RGS7: variants seen among roughly 807,000 people sequenced by gnomAD.
RGS7 encodes the protein regulator of G protein signaling 7.
RGS7 carries 27 observed loss-of-function variants against 81.1 expected under a neutral mutation model. The ratio of observed to expected loss-of-function variants is 0.33; its 90% CI spans 0.25 to 0.46. The LOEUF (loss-of-function observed/expected upper bound fraction) is 0.46, where lower values mean the gene tolerates loss of function less well. Among genes scored for constraint, RGS7 ranks in the 20% least tolerant of loss-of-function variants. The probability of loss-of-function intolerance (pLI) is 1.00; values close to 1 mark genes in which losing one functional copy is unlikely to be tolerated. For missense variants in RGS7, 396 were observed against 607.4 expected (o/e 0.65, Z 3.66); for synonymous variants, 208 against 207.7 (o/e 1.00, Z -0.01).
chr1:241,012,183 T>C (rs1316355324), intron 3 of RGS7, among the ~76,000 whole-genome samples: 2 of 152,122 alleles, frequency 1.3e-5, no homozygotes, highest in Non-Finnish European at 2.9e-5. Context: ...GCTATATCAA[T>C]GCAGGAATAT....
At chr1:241,236,204 A>G (rs2075968160) in intron 2 of RGS7, among the ~76,000 whole-genome samples, 1 of 146,216 alleles carries the variant, frequency 6.8e-6, no homozygotes, top group African/African-American at 2.5e-5. Flanking sequence ...AACTGAATGC[A>G]TGAATACCGT....
chr1:241,112,676 T>C (rs1191828407), intron 2 of RGS7, among the ~76,000 whole-genome samples: 1 of 152,194 alleles, frequency 6.6e-6, no homozygotes. Context: ...ACTTATTTTG[T>C]ACAACGATTT....
rs145711106 is a variant in RGS7 at position 240,789,892 on chromosome 1, C to A, written c.*6+10749G>T. Among the ~76,000 whole-genome samples the A allele has an allele frequency of 4.4e-3, 667 of 152,278 alleles. 3 individuals carry two copies. The highest frequency in any genetic ancestry group is 0.014 in the African/African-American group (601 of 41,536). On this transcript the variant is annotated intron_variant, in intron 18 of 18. Coordinates refer to ENST00000440928, the MANE Select transcript of RGS7 (RefSeq NM_001364886.1). The stretch of plus-strand genomic sequence containing the variant: ...CCACACCCTATTCATACACTCCCTC[C>A]CCTTTTGAAAATCACTAATAAAAAC...
intron 9 of RGS7, among the ~76,000 whole-genome samples, chr1:240,855,482 A>C (rs554928756): frequency 6.7e-6 from 1 of 150,280 alleles, no homozygotes; most frequent in South Asian, 2.2e-4. Flanking sequence ...CCAGGCTGGA[A>C]TGCAACGGCA....
In RGS7 at chr1:241,273,182, C is replaced by CCG. The variant is rs1553305835; in HGVS notation, c.78+82516_78+82517insCG. ...TAAAGTAAATAATAATGAACCCCCCCCCCCAAAGGATACACTCCTTCTTCT... is the reference window on the plus strand; with the variant it reads ...TAAAGTAAATAATAATGAACCCCCCCCGCCCCAAAGGATACACTCCTTCTTCT... On this transcript the variant is annotated intron_variant, in intron 2 of 18. Transcript: ENST00000440928. 3.0e-4 allele frequency among the ~76,000 whole-genome samples: 41 copies of CCG among 137,522 alleles called. 1 individual carries two copies. The highest frequency in any genetic ancestry group is 3.8e-4 in the Non-Finnish European group (24 of 63,668). 90.2% of individuals were successfully genotyped at this position (137,522 alleles called of 152,430 possible).
intron 2 of RGS7, among the ~76,000 whole-genome samples, chr1:241,176,040 C>G (rs4660040): frequency 0.48 from 73,502 of 151,630 alleles, 17,969 homozygotes; most frequent in Middle Eastern, 0.53. Context: ...AATAGGACCT[C>G]GGACTTACCA....
chr1:240,787,970 T>C (rs1685349059), intron 18 of RGS7, among the ~76,000 whole-genome samples: 2 of 152,212 alleles, frequency 1.3e-5, no homozygotes, highest in South Asian at 2.1e-4. Flanking sequence ...GGCTGGGCCA[T>C]ATCTCAAATA....
chr1:240,827,868 A>AG (rs954181402), intron 9 of RGS7, among the ~76,000 whole-genome samples: 1 of 139,948 alleles, frequency 7.1e-6, no homozygotes, highest in Non-Finnish European at 1.5e-5. Context: ...CCATTGCAAA[A>AG]AAAAAAAAAA....
rs148983027 is a variant in RGS7, at chr1:241,054,046, G to A, written c.175+44620C>T. On this transcript the variant is annotated intron_variant, in intron 3 of 18. Coordinates refer to ENST00000440928, the MANE Select transcript of RGS7 (RefSeq NM_001364886.1). ...CATCTATTCTTCTGTGGTCAGAAGC[G>A]CTCTATGACCTATGGGTGTCACACC... Among the ~76,000 whole-genome samples, 199 of 152,206 alleles carry A rather than the reference G, an allele frequency of 1.3e-3. 1 individual carries two copies. The highest frequency in any genetic ancestry group is 4.5e-3 in the African/African-American group (187 of 41,528).
chr1:241,176,366 T>C (rs2071144388), intron 2 of RGS7, among the ~76,000 whole-genome samples: 1 of 152,090 alleles, frequency 6.6e-6, no homozygotes, highest in African/African-American at 2.4e-5. Context: ...AAAACTGAGT[T>C]ACTAGTTTGC....
intron 2 of RGS7, among the ~76,000 whole-genome samples, chr1:241,290,009 T>C (rs2079009783): frequency 6.6e-6 from 1 of 152,234 alleles, no homozygotes; most frequent in South Asian, 2.1e-4. Flanking sequence ...ACAGAGATCA[T>C]CAGAATTGAG....
chr1:240,807,978 T>C (rs1418728568), intron 14 of RGS7, among the ~76,000 whole-genome samples: 2 of 139,812 alleles, frequency 1.4e-5, no homozygotes, highest in Non-Finnish European at 3.0e-5. Flanking sequence ...GAGGTTGCAG[T>C]GAGCAGAGAT....
intron 2 of RGS7, among the ~76,000 whole-genome samples, chr1:241,102,374 T>C (rs1430181780): frequency 6.6e-6 from 1 of 152,154 alleles, no homozygotes; most frequent in African/African-American, 2.4e-5. Flanking sequence ...TTCATGGCCA[T>C]GATGGGATGG....
At chr1:241,287,258 C>T in intron 2 of RGS7, among the ~76,000 whole-genome samples, 1 of 152,160 alleles carries the variant, frequency 6.6e-6, no homozygotes, top group Non-Finnish European at 1.5e-5. Context: ...GCTGTGTCCC[C>T]ACCCAAATCT....
chr1:241,090,567 A>C (rs963492390), intron 3 of RGS7, among the ~76,000 whole-genome samples: 15 of 152,196 alleles, frequency 9.9e-5, no homozygotes, highest in African/African-American at 3.6e-4. Context: ...CTTGAGAAAA[A>C]AAAAGTAGAG....
At chr1:241,184,124 A>C (rs1033525100) in intron 2 of RGS7, among the ~76,000 whole-genome samples, 2 of 152,184 alleles carry the variant, frequency 1.3e-5, no homozygotes, top group African/African-American at 4.8e-5. Context: ...AGAAATAATG[A>C]ATGTCATTTA....
At chr1:241,301,624 T>A (rs1471512133) in intron 2 of RGS7, among the ~76,000 whole-genome samples, 1 of 152,224 alleles carries the variant, frequency 6.6e-6, no homozygotes, top group Admixed American at 6.5e-5. Flanking sequence ...AGAACCAGCA[T>A]CCTCATTAAA....
At chr1:240,953,974 C>G (rs1679957403) in intron 4 of RGS7, among the ~76,000 whole-genome samples, 1 of 152,004 alleles carries the variant, frequency 6.6e-6, no homozygotes, top group African/African-American at 2.4e-5. Flanking sequence ...ATGAGCAATA[C>G]TATGCCCACA....
intron 2 of RGS7, among the ~76,000 whole-genome samples, chr1:241,212,183 TAC>T (rs2074282978): frequency 6.6e-6 from 1 of 152,106 alleles, no homozygotes; most frequent in South Asian, 2.1e-4. Context: ...TAATAACAAA[TAC>T]ACATGTAATA....
Sources: gnomAD v4.1 joint callset for allele counts (sites outside exome capture counted in the v4.1 genomes callset) on GRCh38, gnomAD v4.1.1 for gene constraint, MANE v1.5 for transcripts, NCBI Gene and HGNC (gene_info 2026-07-23, HGNC 2026-07-21) for gene names.